Variants in SPOCK1 observed in about 807,000 individuals in gnomAD.
The protein encoded by SPOCK1 is testican-1.
In SPOCK1, 23 loss-of-function variants were observed where a neutral mutation model predicts 55.3. The ratio of observed to expected loss-of-function variants is 0.42; its 90% confidence interval spans 0.30 to 0.59. SPOCK1 has a LOEUF of 0.59. Ranked by LOEUF, SPOCK1 falls within the 20% of genes least tolerant of loss-of-function variation. The pLI, the probability that SPOCK1 is intolerant of heterozygous loss-of-function variation, is 0.22. For missense variants in SPOCK1, 499 were observed against 552.5 expected (o/e 0.90, Z 0.97); for synonymous variants, 226 against 221.0 (o/e 1.02, Z -0.20).
chr5:137,294,526 G>A (rs1033274665), intron 2 of SPOCK1, among the ~76,000 whole-genome samples: 2 of 152,154 alleles, frequency 1.3e-5, no homozygotes, highest in African/African-American at 4.8e-5. Context: ...CCATGTAGAT[G>A]AGCTCAACTG....
chr5:137,296,101 G>A (rs2127133849), intron 2 of SPOCK1, among the ~76,000 whole-genome samples: 1 of 152,258 alleles, frequency 6.6e-6, no homozygotes, highest in Non-Finnish European at 1.5e-5. Context: ...TGCCACATGA[G>A]GACACAGTGA....
intron 3 of SPOCK1, among the ~76,000 whole-genome samples, chr5:137,150,372 C>T (rs953442327): frequency 2.0e-5 from 3 of 152,134 alleles, no homozygotes; most frequent in African/African-American, 7.2e-5. Flanking sequence ...AAATCCTCTT[C>T]CTCTCCTAAG....
At chr5:137,426,275 T>G (rs931717420) in intron 2 of SPOCK1, among the ~76,000 whole-genome samples, 1 of 152,214 alleles carries the variant, frequency 6.6e-6, no homozygotes, top group African/African-American at 2.4e-5. Flanking sequence ...ATGGCATAAC[T>G]TTTTTACATA....
chr5:137,299,972 T>C (rs1377139980), intron 2 of SPOCK1, among the ~76,000 whole-genome samples: 1 of 152,184 alleles, frequency 6.6e-6, no homozygotes, highest in Non-Finnish European at 1.5e-5. Flanking sequence ...TAGGCCATTA[T>C]TTCTTCAAAT....
intron 2 of SPOCK1, among the ~76,000 whole-genome samples, chr5:137,465,513 A>G (rs1247439535): frequency 6.6e-6 from 1 of 152,086 alleles, no homozygotes; most frequent in Non-Finnish European, 1.5e-5. Context: ...GTTTAGCTGG[A>G]AAAGTTCTAT....
chr5:137,184,223 G>GT (rs1446426000), intron 3 of SPOCK1, among the ~76,000 whole-genome samples: 1 of 152,160 alleles, frequency 6.6e-6, no homozygotes, highest in Non-Finnish European at 1.5e-5. Flanking sequence ...ATACGGCTCT[G>GT]TTTAAGAGGC....
At chr5:137,458,754 C>T (rs1436182691) in intron 2 of SPOCK1, among the ~76,000 whole-genome samples, 1 of 152,162 alleles carries the variant, frequency 6.6e-6, no homozygotes, top group African/African-American at 2.4e-5. Flanking sequence ...AACACATGTG[C>T]TCTGTGGGCA....
chr5:137,373,673 C>G (rs1020263435), intron 2 of SPOCK1, among the ~76,000 whole-genome samples: 4 of 152,202 alleles, frequency 2.6e-5, no homozygotes, highest in African/African-American at 9.7e-5. Flanking sequence ...ATGCTGGGCT[C>G]ATTATCACAG....
chr5:137,245,537 G>A (rs1040851487), intron 3 of SPOCK1, among the ~76,000 whole-genome samples: 2 of 152,096 alleles, frequency 1.3e-5, no homozygotes, highest in African/African-American at 4.8e-5. Context: ...GCAAAATTGA[G>A]GGCAATAAAA....
At chr5:137,041,099 G>A (rs567003845) in intron 6 of SPOCK1, among the ~76,000 whole-genome samples, 34 of 152,160 alleles carry the variant, frequency 2.2e-4, no homozygotes, top group East Asian at 3.9e-4. Context: ...TAGATTTCAC[G>A]ACTTACTATA....
chr5:137,335,701 T>C (rs1750256330), intron 2 of SPOCK1, among the ~76,000 whole-genome samples: 1 of 152,242 alleles, frequency 6.6e-6, no homozygotes, highest in Non-Finnish European at 1.5e-5. Context: ...GCCCACTGTA[T>C]GTGTCCCCAG....
At chr5:137,241,390 C>T (rs1383519950) in intron 3 of SPOCK1, among the ~76,000 whole-genome samples, 1 of 152,164 alleles carries the variant, frequency 6.6e-6, no homozygotes, top group Non-Finnish European at 1.5e-5. Context: ...AAATGAAAGA[C>T]CAAGGACCCA....
At chr5:137,268,738 C>T (rs1035168382) in intron 2 of SPOCK1, among the ~76,000 whole-genome samples, 9 of 152,166 alleles carry the variant, frequency 5.9e-5, no homozygotes, top group Non-Finnish European at 1.0e-4. Context: ...AAGGATCAAC[C>T]GTTCATCCTT....
At chr5:137,181,441 G>C (rs1754967243) in intron 3 of SPOCK1, among the ~76,000 whole-genome samples, 1 of 152,290 alleles carries the variant, frequency 6.6e-6, no homozygotes, top group African/African-American at 2.4e-5. Flanking sequence ...ATCAACAGGG[G>C]GCTGTGGTTC....
At chr5:137,016,222 T>C (rs1394234973) in intron 6 of SPOCK1, among the ~76,000 whole-genome samples, 1 of 152,232 alleles carries the variant, frequency 6.6e-6, no homozygotes, top group Non-Finnish European at 1.5e-5. Flanking sequence ...CAAACTGCTA[T>C]GCTCTCCTTG....
intron 2 of SPOCK1, among the ~76,000 whole-genome samples, chr5:137,353,160 G>A (rs552208295): frequency 6.6e-6 from 1 of 152,086 alleles, no homozygotes; most frequent in Non-Finnish European, 1.5e-5. Flanking sequence ...TGGGCGGATC[G>A]ATAGAGCCCA....
intron 3 of SPOCK1, among the ~76,000 whole-genome samples, chr5:137,200,080 T>C (rs1270847672): frequency 6.6e-6 from 1 of 152,218 alleles, no homozygotes; most frequent in Non-Finnish European, 1.5e-5. Context: ...TTCCATTTAG[T>C]CTGTGATCCC....
At chr5:137,206,024 A>G (rs1755516304) in intron 3 of SPOCK1, among the ~76,000 whole-genome samples, 1 of 152,220 alleles carries the variant, frequency 6.6e-6, no homozygotes, top group African/African-American at 2.4e-5. Context: ...CCAGGCAGGC[A>G]GATCAGAAAA....
At chr5:137,486,952 C>T (rs1339108715) in intron 2 of SPOCK1, among the ~76,000 whole-genome samples, 2 of 152,180 alleles carry the variant, frequency 1.3e-5, no homozygotes, top group African/African-American at 4.8e-5. Flanking sequence ...GATGAAAGTA[C>T]TGACACAAGC....
Sources: gnomAD v4.1 joint callset for allele counts (sites outside exome capture counted in the v4.1 genomes callset) on GRCh38, gnomAD v4.1.1 for gene constraint, MANE v1.5 for transcripts, NCBI Gene and HGNC (gene_info 2026-07-23, HGNC 2026-07-21) for gene names.